The following CCDC141 variants were observed in gnomAD, a reference collection of about 807,000 sequenced individuals.
The protein encoded by CCDC141 is coiled-coil domain containing 141, also known as coiled-coil domain-containing protein 141.
A neutral mutation model predicts 181.0 loss-of-function variants in CCDC141; 168 were observed. The observed-to-expected ratio is 0.93, with a 90% CI of 0.82 to 1.05. CCDC141 has a LOEUF of 1.05. Among genes scored for constraint, CCDC141 ranks in the 50% least tolerant of loss-of-function variants. The probability of loss-of-function intolerance (pLI) is 0.00; values close to 1 mark genes in which losing one functional copy is unlikely to be tolerated. For synonymous variants in CCDC141, 666 were observed against 642.3 expected (o/e 1.04, Z -0.56); for missense variants, 1,902 against 1,788.5 (o/e 1.06, Z -1.14).
chr2:178,826,897 G>A (rs1684133801), downstream of CCDC141, among the ~76,000 whole-genome samples: 1 of 151,714 alleles, frequency 6.6e-6, no homozygotes, highest in African/African-American at 2.4e-5. Flanking sequence ...CTTTTATTCT[G>A]CTTGCTATAG....
At chr2:178,822,779 T>C in the CCDC141 span, among the ~76,000 whole-genome samples, 1 of 152,312 alleles carries the variant, frequency 6.6e-6, no homozygotes, top group South Asian at 2.1e-4. Context: ...ATATCAGACA[T>C]ATAAAGGCAT....
intron 22 of CCDC141, among the ~76,000 whole-genome samples, chr2:178,842,060 T>C (rs966449): frequency 0.79 from 120,606 of 152,116 alleles, 48,079 homozygotes; most frequent in East Asian, 0.93. Flanking sequence ...TAAAACCATG[T>C]TTGTTATTAC....
intron 7 of CCDC141, among the ~76,000 whole-genome samples, chr2:178,912,552 A>T (rs12999923): frequency 0.4 from 60,918 of 151,992 alleles, 14,088 homozygotes; most frequent in Non-Finnish European, 0.54. Flanking sequence ...CTGACCTCTG[A>T]GCTCTAAAAT....
At chr2:178,816,527 C>T in the CCDC141 span, among the ~76,000 whole-genome samples, 1 of 152,180 alleles carries the variant, frequency 6.6e-6, no homozygotes, top group Admixed American at 6.5e-5. Context: ...TGTGTGGACA[C>T]AAGTTTTCAG....
At chr2:178,846,474 A>T (rs1175881597) in intron 21 of CCDC141, among the ~76,000 whole-genome samples, 1 of 152,212 alleles carries the variant, frequency 6.6e-6, no homozygotes, top group Admixed American at 6.5e-5. Context: ...TCCTTAGATG[A>T]GTCTTAAACA....
At position 178,856,389 on chromosome 2, in the gene CCDC141, G is replaced by A. The variant is rs1284134924; in HGVS notation, c.2733C>T (p.Asp911=). The change falls in exon 18 of 24, where the codon GAC becomes GAT. Residue 911 remains aspartate, a synonymous_variant. Transcript: ENST00000443758. ...ATTTCTTTTTGATATCTTTGAATGA[G>A]TCTTTGAGCTGTAGTTCAATAAAAA... is the stretch of plus-strand genomic sequence containing the variant. ...AMRDEINELK[D]SFKDIKKKFN... The A allele has an allele frequency of 6.4e-7, 1 of 1,572,356 alleles. No individual in the cohort carries two copies. Among genetic ancestry groups the A allele is most frequent in the East Asian group, 2.2e-5 (1 of 44,556 alleles).
chr2:179,023,685 G>A (rs912233972), intron 2 of CCDC141, among the ~76,000 whole-genome samples: 13 of 152,116 alleles, frequency 8.5e-5, no homozygotes, highest in Non-Finnish European at 1.9e-4. Context: ...TCTCTGTCCT[G>A]AGGAAAACTT....
chr2:179,038,327 G>A (rs1301517107), intron 2 of CCDC141, among the ~76,000 whole-genome samples: 1 of 152,136 alleles, frequency 6.6e-6, no homozygotes. Context: ...AATTCATAGA[G>A]ACAGAAAGTG....
chr2:178,889,038 T>C (rs1687021513), intron 8 of CCDC141, among the ~76,000 whole-genome samples: 1 of 152,208 alleles, frequency 6.6e-6, no homozygotes, highest in Admixed American at 6.5e-5. Flanking sequence ...AGATGCTCTT[T>C]GAATAGAAAT....
chr2:178,851,551 C>G (rs1432998704), intron 20 of CCDC141, among the ~76,000 whole-genome samples: 1 of 152,148 alleles, frequency 6.6e-6, no homozygotes, highest in Admixed American at 6.5e-5. Flanking sequence ...CGTGAAGAGG[C>G]AGCAAGGGAT....
chr2:178,848,155 T>G (rs1485341455), intron 21 of CCDC141, among the ~76,000 whole-genome samples: 1 of 152,158 alleles, frequency 6.6e-6, no homozygotes, highest in Non-Finnish European at 1.5e-5. Context: ...TGGGTTTGGC[T>G]CTGAGAGATG....
chr2:178,905,566 C>G (rs1445702324), intron 7 of CCDC141, 65 bp from the exon 8 acceptor site: 1 of 1,362,456 alleles, frequency 7.3e-7, no homozygotes, highest in African/African-American at 1.5e-5. Flanking sequence ...AACGTGTACA[C>G]AAAACACTGG....
intron 22 of CCDC141, among the ~76,000 whole-genome samples, chr2:178,845,043 T>G (rs1301991749): frequency 6.6e-6 from 1 of 152,248 alleles, no homozygotes; most frequent in Non-Finnish European, 1.5e-5. Flanking sequence ...GTTACATGCT[T>G]TATCAGTAAG....
chr2:178,858,563 T>C (rs1304889400), intron 17 of CCDC141, among the ~76,000 whole-genome samples: 1 of 152,146 alleles, frequency 6.6e-6, no homozygotes, highest in Non-Finnish European at 1.5e-5. Flanking sequence ...ATGGTAGTGA[T>C]GGGTTCACAA....
intron 2 of CCDC141, among the ~76,000 whole-genome samples, chr2:179,006,064 T>C (rs1224924839): frequency 6.6e-6 from 1 of 152,202 alleles, no homozygotes; most frequent in Non-Finnish European, 1.5e-5. Flanking sequence ...TCAGTCCAGG[T>C]ACCAACTATC....
At chr2:179,029,180 T>A (rs912501992) in intron 2 of CCDC141, among the ~76,000 whole-genome samples, 2 of 152,214 alleles carry the variant, frequency 1.3e-5, no homozygotes, top group African/African-American at 2.4e-5. Context: ...TCACTTCTTT[T>A]GAGATCCAAA....
At chr2:178,880,360 C>A (rs1444684382) in intron 11 of CCDC141, among the ~76,000 whole-genome samples, 1 of 152,074 alleles carries the variant, frequency 6.6e-6, no homozygotes, top group Non-Finnish European at 1.5e-5. Context: ...GTAATGTGAT[C>A]AGATTTGCCT....
chr2:178,934,271 G>A lies in CCDC141; in HGVS notation c.897+10264C>T, dbSNP rs1048939201. On this transcript the variant is annotated intron_variant, in intron 6 of 23. Coordinates refer to ENST00000443758, the MANE Select transcript of CCDC141 (RefSeq NM_173648.4). The stretch of plus-strand genomic sequence containing the variant: ...GTTCTATTATACGAACATTATTTCT[G>A]ATGTGTAAGAGAAGGACTGATTATG... Among the ~76,000 whole-genome samples the A allele has an allele frequency of 5.5e-4, 84 of 152,186 alleles. 1 individual carries two copies. Among genetic ancestry groups the A allele is most frequent in the African/African-American group, 2.0e-3 (81 of 41,538 alleles).
In CCDC141 at chr2:178,833,346, TCC is replaced by T; in HGVS notation, c.*825_*826del. ...CAAGAGGTAGATGATGAACTCATTTTCCAGACAGGAAACTGAGGCAATGAGGC... is the reference window on the plus strand; with the variant it reads ...CAAGAGGTAGATGATGAACTCATTTTAGACAGGAAACTGAGGCAATGAGGC... On this transcript the variant is annotated 3_prime_UTR_variant, in exon 24 of 24. Transcript: ENST00000443758. The T allele has an allele frequency of 2.0e-5, 3 of 152,316 alleles. No individual in the cohort carries two copies. Among genetic ancestry groups the T allele is most frequent in the Middle Eastern group, 3.4e-3 (1 of 294 alleles). 9.4% of individuals were successfully genotyped at this position (152,316 alleles called of 1,614,324 possible).
Sources: allele counts gnomAD v4.1 joint callset (sites outside exome capture counted in the v4.1 genomes callset), GRCh38; gene constraint gnomAD v4.1.1; transcripts MANE v1.5; gene names NCBI Gene and HGNC (gene_info 2026-07-23, HGNC 2026-07-21).